The following ZNF804B variants were observed in gnomAD, a reference collection of about 807,000 sequenced individuals.
The protein encoded by ZNF804B is zinc finger 804B.
ZNF804B carries 80 observed loss-of-function variants against 101.4 expected under a neutral mutation model. That is an observed-to-expected ratio of 0.79 (90% CI 0.66 to 0.95). The LOEUF is 0.95. Among genes scored for constraint, ZNF804B ranks in the 40% least tolerant of loss-of-function variants. The pLI is 0.00. For synonymous variants in ZNF804B, 622 were observed against 558.8 expected (o/e 1.11, Z -1.59); for missense variants, 1,673 against 1,561.9 (o/e 1.07, Z -1.20).
chr7:89,246,605 CA>C (rs1789451187), intron 2 of ZNF804B, among the ~76,000 whole-genome samples: 1 of 151,948 alleles, frequency 6.6e-6, no homozygotes, highest in African/African-American at 2.4e-5. Flanking sequence ...GGCATTTGAG[CA>C]CCTGCTCACT....
intron 1 of ZNF804B, among the ~76,000 whole-genome samples, chr7:89,103,885 C>G (rs897055969): frequency 6.6e-6 from 1 of 151,698 alleles, no homozygotes. Context: ...ATGGCTGTTA[C>G]TATTTTGAGG....
At chr7:89,022,580 A>G (rs1044309909) in intron 1 of ZNF804B, among the ~76,000 whole-genome samples, 1 of 152,212 alleles carries the variant, frequency 6.6e-6, no homozygotes, top group Non-Finnish European at 1.5e-5. Flanking sequence ...ACTAAAGGGC[A>G]CATAGGCTTG....
intron 1 of ZNF804B, among the ~76,000 whole-genome samples, chr7:88,793,844 G>T (rs1790424044): frequency 6.6e-6 from 1 of 152,052 alleles, no homozygotes. Flanking sequence ...ATTAACTCTT[G>T]AGGGATTGGA....
rs139470207 is a variant in ZNF804B, at chr7:88,854,101, G to A, written c.108+94017G>A. On this transcript the variant is annotated intron_variant, in intron 1 of 3. Coordinates refer to ENST00000333190, the MANE Select transcript of ZNF804B (RefSeq NM_181646.5). Reference sequence around the variant, plus strand: ...TTTTAATATCTTGGTAGTGGTTTCCGTATTTCTTGGGTCTATCAACATAAT... The same window carrying A: ...TTTTAATATCTTGGTAGTGGTTTCCATATTTCTTGGGTCTATCAACATAAT... 2.5e-3 allele frequency among the ~76,000 whole-genome samples: 376 copies of A among 152,026 alleles called. 2 individuals carry two copies. The highest frequency in any genetic ancestry group is 8.6e-3 in the African/African-American group (355 of 41,486).
chr7:89,165,549 A>G (rs2116425844), intron 1 of ZNF804B, among the ~76,000 whole-genome samples: 1 of 152,214 alleles, frequency 6.6e-6, no homozygotes, highest in African/African-American at 2.4e-5. Flanking sequence ...AGAATCCCTT[A>G]AGATAGGAGT....
intron 1 of ZNF804B, among the ~76,000 whole-genome samples, chr7:89,132,324 A>G (rs1250534603): frequency 6.6e-6 from 1 of 152,012 alleles, no homozygotes; most frequent in African/African-American, 2.4e-5. Flanking sequence ...ACAAAACAAA[A>G]CAAAACAAAG....
At chr7:89,091,715 G>GT (rs1340937574) in intron 1 of ZNF804B, among the ~76,000 whole-genome samples, 1 of 152,106 alleles carries the variant, frequency 6.6e-6, no homozygotes, top group Non-Finnish European at 1.5e-5. Flanking sequence ...CCCTCTCACT[G>GT]TAACCACCTA....
intron 1 of ZNF804B, among the ~76,000 whole-genome samples, chr7:88,768,106 G>A (rs940523175): frequency 2.0e-5 from 3 of 152,186 alleles, no homozygotes; most frequent in African/African-American, 7.2e-5. Context: ...GAACGGAGGT[G>A]TGAATAAAAA....
intron 1 of ZNF804B, chr7:88,794,502 A>G: frequency 1.9e-6 from 3 of 1,613,900 alleles, no homozygotes; most frequent in Non-Finnish European, 2.5e-6. Flanking sequence ...TCACTGAAAC[A>G]TGCCATTGCA....
intron 1 of ZNF804B, among the ~76,000 whole-genome samples, chr7:89,027,111 G>A (rs1244982732): frequency 6.6e-6 from 1 of 151,760 alleles, no homozygotes; most frequent in African/African-American, 2.4e-5. Context: ...ATGAGAGAGA[G>A]TTTAGAATAA....
intron 1 of ZNF804B, among the ~76,000 whole-genome samples, chr7:89,174,375 C>A (rs537613595): frequency 6.6e-6 from 1 of 152,080 alleles, no homozygotes; most frequent in East Asian, 1.9e-4. Context: ...TTATTTATTT[C>A]ACTTAATATA....
intron 1 of ZNF804B, among the ~76,000 whole-genome samples, chr7:88,951,491 C>G (rs1327637728): frequency 6.6e-6 from 1 of 151,484 alleles, no homozygotes; most frequent in Admixed American, 6.6e-5. Flanking sequence ...TATATAATGT[C>G]TATTATTTCT....
At chr7:89,283,527 A>G (rs570548968) in intron 2 of ZNF804B, among the ~76,000 whole-genome samples, 55 of 152,224 alleles carry the variant, frequency 3.6e-4, no homozygotes, top group Non-Finnish European at 5.7e-4. Flanking sequence ...GAACCTGTCT[A>G]TATAATCTGC....
At chr7:89,118,700 T>A (rs1434980095) in intron 1 of ZNF804B, among the ~76,000 whole-genome samples, 1 of 152,210 alleles carries the variant, frequency 6.6e-6, no homozygotes, top group African/African-American at 2.4e-5. Flanking sequence ...TATTTGTTAC[T>A]TTTTAATTAT....
chr7:88,919,576 G>T (rs189741482), intron 1 of ZNF804B, among the ~76,000 whole-genome samples: 1 of 152,128 alleles, frequency 6.6e-6, no homozygotes, highest in Admixed American at 6.6e-5. Context: ...GATATTTTTT[G>T]ACTTGTTATT....
chr7:89,195,357 G>A (rs1788529839), intron 1 of ZNF804B, among the ~76,000 whole-genome samples: 2 of 144,116 alleles, frequency 1.4e-5, no homozygotes, highest in African/African-American at 5.3e-5. Context: ...GGCAGGAGAA[G>A]GAAATAAAGG....
chr7:89,138,018 G>A (rs1259990972), intron 1 of ZNF804B, among the ~76,000 whole-genome samples: 1 of 152,116 alleles, frequency 6.6e-6, no homozygotes, highest in Admixed American at 6.5e-5. Context: ...CCCGAGCCTT[G>A]GCAGCTTCTA....
chr7:88,987,318 A>G (rs954312086), intron 1 of ZNF804B, among the ~76,000 whole-genome samples: 5 of 152,140 alleles, frequency 3.3e-5, no homozygotes, highest in African/African-American at 1.2e-4. Context: ...ACCAGAAAGA[A>G]AATAACTATG....
intron 2 of ZNF804B, among the ~76,000 whole-genome samples, chr7:89,245,721 T>C (rs1789432718): frequency 6.6e-6 from 1 of 152,166 alleles, no homozygotes; most frequent in African/African-American, 2.4e-5. Context: ...GAGGTTTGAT[T>C]CAAGAAAGAC....
Sources: gnomAD v4.1 joint callset for allele counts (sites outside exome capture counted in the v4.1 genomes callset) on GRCh38, gnomAD v4.1.1 for gene constraint, MANE v1.5 for transcripts, NCBI Gene and HGNC (gene_info 2026-07-23, HGNC 2026-07-21) for gene names.